GPC6: variants seen among roughly 807,000 people sequenced by gnomAD.
The protein encoded by GPC6 is glypican 6.
A neutral mutation model predicts 55.2 loss-of-function variants in GPC6; 14 were observed. The observed-to-expected ratio is 0.25, with a 90% CI of 0.17 to 0.40. The LOEUF is 0.40. Among genes scored for constraint, GPC6 ranks in the 10% least tolerant of loss-of-function variants. The pLI, the probability that GPC6 is intolerant of heterozygous loss-of-function variation, is 1.00. For synonymous variants in GPC6, 278 were observed against 259.6 expected (o/e 1.07, Z -0.68); for missense variants, 641 against 708.5 (o/e 0.90, Z 1.08).
intron 1 of GPC6, among the ~76,000 whole-genome samples, chr13:93,539,326 C>T (rs1236380029): frequency 6.6e-6 from 1 of 152,014 alleles, no homozygotes; most frequent in Non-Finnish European, 1.5e-5. Flanking sequence ...TCGCAGTGTT[C>T]CATTTTGGTG....
chr13:94,368,462 C>G (rs970628369), intron 6 of GPC6, among the ~76,000 whole-genome samples: 1 of 152,086 alleles, frequency 6.6e-6, no homozygotes, highest in Admixed American at 6.5e-5. Context: ...AAAACCTACC[C>G]AAACATTACA....
intron 2 of GPC6, among the ~76,000 whole-genome samples, chr13:93,613,531 AC>A (rs1878583177): frequency 1.2e-4 from 5 of 42,490 alleles, no homozygotes; most frequent in African/African-American, 1.8e-4. Context: ...CACACACAAA[AC>A]ACACACACAC....
intron 2 of GPC6, among the ~76,000 whole-genome samples, chr13:93,681,553 T>C (rs1226670033): frequency 6.6e-6 from 1 of 152,174 alleles, no homozygotes; most frequent in Non-Finnish European, 1.5e-5. Flanking sequence ...CTTAATTACA[T>C]TATGCCTGCC....
intron 4 of GPC6, among the ~76,000 whole-genome samples, chr13:94,271,824 G>A (rs1161057178): frequency 6.6e-6 from 1 of 151,198 alleles, no homozygotes; most frequent in East Asian, 2.0e-4. Context: ...TCTTCACCAT[G>A]TGGCATTTTG....
At chr13:93,490,563 C>T (rs1282751514) in intron 1 of GPC6, among the ~76,000 whole-genome samples, 16 of 122,856 alleles carry the variant, frequency 1.3e-4, no homozygotes, top group East Asian at 3.5e-4. Flanking sequence ...TACATGTGCA[C>T]GTTGTGCAGG....
intron 4 of GPC6, among the ~76,000 whole-genome samples, chr13:94,098,118 A>G (rs558159514): frequency 1.3e-5 from 2 of 152,346 alleles, no homozygotes; most frequent in East Asian, 1.9e-4. Context: ...AAAATCAGAC[A>G]TGCTGCTTAT....
intron 4 of GPC6, among the ~76,000 whole-genome samples, chr13:94,250,064 C>G (rs1040010814): frequency 6.6e-6 from 1 of 152,092 alleles, no homozygotes; most frequent in Non-Finnish European, 1.5e-5. Flanking sequence ...GTCGACAAGC[C>G]TTTGTTAAGC....
Position 94,302,956 on chromosome 13 carries a change from A to G in GPC6, c.1009-3024A>G, listed in dbSNP as rs185706043. ...GACAAACCGAGGCACTTAGCCGTGC[A>G]GGAACAATGGCAAGCCTTTAGCCCC... On this transcript the variant is annotated intron_variant, in intron 5 of 8. Transcript: ENST00000377047. 3.0e-3 allele frequency among the ~76,000 whole-genome samples: 464 copies of G among 152,388 alleles called. 2 individuals carry two copies. Among genetic ancestry groups the G allele is most frequent in the Non-Finnish European group, 5.3e-3 (358 of 68,040 alleles).
chr13:94,370,877 ATTC>A (rs1879511546), intron 6 of GPC6, among the ~76,000 whole-genome samples: 1 of 152,226 alleles, frequency 6.6e-6, no homozygotes, highest in Non-Finnish European at 1.5e-5. Flanking sequence ...AGAAAAAGAT[ATTC>A]TTTTTTATTT....
At position 94,310,084 on chromosome 13, in the gene GPC6, A is replaced by G. The variant is rs1331978814; in HGVS notation, c.1152+3961A>G. ...ATAGCTCGATTTTTAAGATCTGAGC[A>G]TCAAAAGGTATTTCAAATTAGCCTC... On this transcript the variant is annotated intron_variant, in intron 6 of 8. Coordinates refer to ENST00000377047, the MANE Select transcript of GPC6 (RefSeq NM_005708.5). 3.3e-5 allele frequency among the ~76,000 whole-genome samples: 5 copies of G among 152,234 alleles called. No homozygotes were observed. The East Asian group carries it at 9.6e-4, about 29-fold the overall frequency.
At chr13:93,515,181 G>T (rs1278808538) in intron 1 of GPC6, among the ~76,000 whole-genome samples, 2 of 152,048 alleles carry the variant, frequency 1.3e-5, no homozygotes, top group Non-Finnish European at 2.9e-5. Context: ...GTAAGAAGAT[G>T]GTCATCTTTA....
intron 1 of GPC6, among the ~76,000 whole-genome samples, chr13:93,471,066 G>T (rs1879093531): frequency 6.6e-6 from 1 of 151,918 alleles, no homozygotes; most frequent in African/African-American, 2.4e-5. Flanking sequence ...AGTTTTTGTT[G>T]TTACTGATAT....
intron 3 of GPC6, among the ~76,000 whole-genome samples, chr13:94,018,934 C>G (rs551481934): frequency 6.6e-6 from 1 of 152,286 alleles, no homozygotes; most frequent in South Asian, 2.1e-4. Context: ...ATCCCACAAC[C>G]ATTCCCCCAC....
chr13:93,418,087 A>G (rs138772894), intron 1 of GPC6, among the ~76,000 whole-genome samples: 3,044 of 152,034 alleles, frequency 0.02, 115 homozygotes, highest in African/African-American at 0.069. Context: ...GAGGATGTCC[A>G]ACTTCTATTA....
rs546338263 is a variant in GPC6 at position 93,484,697 on chromosome 13, A to G, written c.161-60566A>G. On this transcript the variant is annotated intron_variant, in intron 1 of 8. Transcript: ENST00000377047. ...AATATTGCTTAATTTCTTGTAGTCT[A>G]TTAAATTGAATGTATGTATATAATA... Among the ~76,000 whole-genome samples the G allele has an allele frequency of 7.9e-5, 12 of 152,278 alleles. No homozygotes were observed. In the South Asian group the frequency reaches 1.2e-3, roughly 16 times the overall value.
At position 94,405,053 on chromosome 13, in the gene GPC6, A is replaced by G. The variant is rs1295624286; in HGVS notation, c.*1836A>G. 1.3e-5 allele frequency: 2 copies of G among 152,226 alleles called. No individual in the cohort carries two copies. The highest frequency in any genetic ancestry group is 4.8e-5 in the African/African-American group (2 of 41,460). The allele number at this position is 152,226 out of a possible 1,614,324, so 9.4% of individuals were successfully genotyped here. A position where few individuals can be genotyped will look rare whatever the true frequency, so the allele number is the denominator to read the frequency against. ...TGGTATTTTTCAATCTGTTCTCATCAAAATTAAAATTAGTTATTGATTTAG... is the reference window on the plus strand; with the variant it reads ...TGGTATTTTTCAATCTGTTCTCATCGAAATTAAAATTAGTTATTGATTTAG... On this transcript the variant is annotated 3_prime_UTR_variant, in exon 9 of 9. Transcript: ENST00000377047.
At chr13:93,336,594 G>A (rs945754740) in intron 1 of GPC6, among the ~76,000 whole-genome samples, 1 of 152,196 alleles carries the variant, frequency 6.6e-6, no homozygotes, top group Non-Finnish European at 1.5e-5. Context: ...TTTGTAGGAA[G>A]CGTTGTTTTA....
At chr13:93,448,762 T>G (rs962364020) in intron 1 of GPC6, among the ~76,000 whole-genome samples, 1 of 152,178 alleles carries the variant, frequency 6.6e-6, no homozygotes, top group Non-Finnish European at 1.5e-5. Context: ...AATTCTTTTG[T>G]CCCATCCAGT....
intron 1 of GPC6, among the ~76,000 whole-genome samples, chr13:93,491,838 C>T (rs1281274139): frequency 8.6e-6 from 1 of 116,294 alleles, no homozygotes; most frequent in Non-Finnish European, 1.9e-5. Flanking sequence ...TGTAGGTATG[C>T]GGCGTTATTT....
Sources: allele counts gnomAD v4.1 joint callset (sites outside exome capture counted in the v4.1 genomes callset), GRCh38; gene constraint gnomAD v4.1.1; transcripts MANE v1.5; gene names NCBI Gene and HGNC (gene_info 2026-07-23, HGNC 2026-07-21).